ADCY5: variants seen among roughly 807,000 people sequenced by gnomAD.
ADCY5 encodes the protein adenylate cyclase type 5.
Under a neutral mutation model 119.7 loss-of-function variants are expected in ADCY5, and 30 were observed. That is an observed-to-expected ratio of 0.25 (90% CI 0.19 to 0.34). The LOEUF is 0.34. Ranked by LOEUF, ADCY5 falls within the 10% of genes least tolerant of loss-of-function variation. ADCY5 has a pLI of 1.00. For synonymous variants in ADCY5, 753 were observed against 762.2 expected (o/e 0.99, Z 0.20); for missense variants, 1,324 against 1,775.2 (o/e 0.75, Z 4.57).
chr3:123,292,720 G>C (rs556942663), intron 17 of ADCY5, among the ~76,000 whole-genome samples: 2 of 152,284 alleles, frequency 1.3e-5, no homozygotes, highest in South Asian at 4.1e-4. Flanking sequence ...GGCTGGGGGT[G>C]GGGGGTAGGG....
rs149619842 is a variant in ADCY5 at position 123,300,265 on chromosome 3, G to C, written c.2755C>G (p.Leu919Val). The C allele has an allele frequency of 3.5e-5, 56 of 1,613,412 alleles. No individual in the cohort carries two copies. The African/African-American group carries it at 7.2e-4, about 21-fold the overall frequency. ...YFTYSVLLSL[L>V]ACSVFLQISC... is the part of the protein sequence containing the mutation. ...ATCTGCAGGAACACGGAGCAGGCCA[G>C]CAGGCTGAGCAGCACGCTGTAGGTG... Residue 919 changes from leucine to valine, a missense_variant, in exon 15 of 21, where the codon CTG becomes GTG. This residue lies in a region of ADCY5 where 424 missense variants were observed against 546.8 expected (regional missense o/e 0.78). Transcript: ENST00000462833.
intron 1 of ADCY5, among the ~76,000 whole-genome samples, chr3:123,440,351 A>G (rs763980185): frequency 1.3e-4 from 20 of 152,336 alleles, no homozygotes; most frequent in Admixed American, 2.6e-4. Flanking sequence ...ACCCGACCAG[A>G]GCAAGAGGTA....
intron 4 of ADCY5, among the ~76,000 whole-genome samples, chr3:123,331,272 A>G: frequency 6.6e-6 from 1 of 152,160 alleles, no homozygotes; most frequent in African/African-American, 2.4e-5. Flanking sequence ...TCAGGAGCTC[A>G]CTTTTAAAGA....
At chr3:123,363,169 G>GAA (rs1943318227) in intron 1 of ADCY5, among the ~76,000 whole-genome samples, 1 of 121,934 alleles carries the variant, frequency 8.2e-6, no homozygotes, top group Non-Finnish European at 1.7e-5. Flanking sequence ...AAAAGGAATT[G>GAA]AAGAACAAAA....
chr3:123,324,365 T>C (rs1479748007), intron 8 of ADCY5, among the ~76,000 whole-genome samples: 1 of 150,528 alleles, frequency 6.6e-6, no homozygotes, highest in South Asian at 2.1e-4. Flanking sequence ...GAGCTACTTG[T>C]GCAACATGCC....
At chr3:123,429,515 A>C (rs6799356) in intron 1 of ADCY5, among the ~76,000 whole-genome samples, 44,108 of 151,510 alleles carry the variant, frequency 0.29, 6,578 homozygotes, top group African/African-American at 0.35. Context: ...CAGGAGCACG[A>C]CCCACCCACC....
intron 12 of ADCY5, among the ~76,000 whole-genome samples, chr3:123,307,649 C>T (rs1334438611): frequency 6.6e-6 from 1 of 152,136 alleles, no homozygotes; most frequent in Non-Finnish European, 1.5e-5. Flanking sequence ...ATCCCCTTCC[C>T]TCACCCCCAC....
chr3:123,343,583 G>A (rs528603472), intron 3 of ADCY5, among the ~76,000 whole-genome samples: 17 of 152,138 alleles, frequency 1.1e-4, no homozygotes, highest in African/African-American at 3.6e-4. Flanking sequence ...GTGGTATGGC[G>A]CCTTCTCTGG....
At position 123,425,689 on chromosome 3, in the gene ADCY5, G is replaced by A. The variant is rs1576689110; in HGVS notation, c.1134+21723C>T. On this transcript the variant is annotated intron_variant, in intron 1 of 20. Transcript: ENST00000462833. ...CAGCTGCAGCCACCCCCAGATTCAGGAGGACCTGGCCCAGCCCACCCCCCA... is the reference window on the plus strand; with the variant it reads ...CAGCTGCAGCCACCCCCAGATTCAGAAGGACCTGGCCCAGCCCACCCCCCA... Among the ~76,000 whole-genome samples the A allele has an allele frequency of 2.5e-5, 3 of 122,084 alleles. No individual in the cohort carries two copies. In the Admixed American group the frequency reaches 3.0e-4, roughly 12 times the overall value. The allele number at this position is 122,084 out of a possible 152,430, so 80.1% of individuals were successfully genotyped here. A position where few individuals can be genotyped will look rare whatever the true frequency, so the allele number is the denominator to read the frequency against.
intron 1 of ADCY5, among the ~76,000 whole-genome samples, chr3:123,386,501 G>T (rs1944229602): frequency 6.6e-6 from 1 of 152,226 alleles, no homozygotes; most frequent in South Asian, 2.1e-4. Flanking sequence ...GTTTCAATTT[G>T]CTCAGCATAG....
intron 1 of ADCY5, among the ~76,000 whole-genome samples, chr3:123,443,013 A>G (rs1945749630): frequency 6.6e-6 from 1 of 152,138 alleles, no homozygotes; most frequent in Non-Finnish European, 1.5e-5. Context: ...AATGCAGGTG[A>G]TAGGGAAAGC....
intron 1 of ADCY5, among the ~76,000 whole-genome samples, chr3:123,419,595 C>T (rs764461064): frequency 5.3e-5 from 8 of 152,182 alleles, no homozygotes; most frequent in Non-Finnish European, 8.8e-5. Context: ...TGATGTGTCA[C>T]ATTCCAGCCT....
chr3:123,371,022 G>C (rs1312930054), intron 1 of ADCY5, among the ~76,000 whole-genome samples: 3 of 152,224 alleles, frequency 2.0e-5, no homozygotes, highest in Non-Finnish European at 4.4e-5. Flanking sequence ...CCAGAAACCA[G>C]AGCAGAGACA....
At chr3:123,427,473 C>T (rs887791853) in intron 1 of ADCY5, among the ~76,000 whole-genome samples, 4 of 152,180 alleles carry the variant, frequency 2.6e-5, no homozygotes, top group African/African-American at 7.2e-5. Flanking sequence ...ACCATGCCTT[C>T]GCTCCTGCTG....
At chr3:123,361,706 A>AT (rs1423677740) in intron 1 of ADCY5, among the ~76,000 whole-genome samples, 2 of 152,230 alleles carry the variant, frequency 1.3e-5, no homozygotes, top group East Asian at 3.9e-4. Context: ...CATATTTTGG[A>AT]TTTTTTCAGA....
At chr3:123,445,948 T>C (rs943938661) in intron 1 of ADCY5, among the ~76,000 whole-genome samples, 35 of 152,194 alleles carry the variant, frequency 2.3e-4, no homozygotes, top group African/African-American at 7.7e-4. Context: ...TCTGACTCTA[T>C]TGTTAATCAT....
In ADCY5 at chr3:123,448,972, T is replaced by G; in HGVS notation, c.-427A>C. 1 of 162,030 alleles carries G rather than the reference T, an allele frequency of 6.2e-6. No homozygotes were observed. 10.0% of individuals were successfully genotyped at this position (162,030 alleles called of 1,614,324 possible). ...AGTGCCCGGGCGCGGCGCTCGCTGA[T>G]TCCGCCTAAGCGGAGCCCAGCTGCT... On this transcript the variant is annotated 5_prime_UTR_variant, in exon 1 of 21. Coordinates refer to ENST00000462833, the MANE Select transcript of ADCY5 (RefSeq NM_183357.3).
In ADCY5 at chr3:123,352,981, T is replaced by A. The variant is rs967174428; in HGVS notation, c.1135-400A>T. Among the ~76,000 whole-genome samples the A allele has an allele frequency of 2.0e-5, 3 of 152,154 alleles. No homozygotes were observed. The highest frequency in any genetic ancestry group is 7.2e-5 in the African/African-American group (3 of 41,416). On this transcript the variant is annotated intron_variant, in intron 1 of 20. Transcript: ENST00000462833. The surrounding 1 kb of genome is among the most constrained non-coding windows in gnomAD (Gnocchi z 4.8). ...CTTTTGAAAGTGTGATAGAGTCCAGTACAGGACAAGGGGCCACCCTCCCCC... is the reference window on the plus strand; with the variant it reads ...CTTTTGAAAGTGTGATAGAGTCCAGAACAGGACAAGGGGCCACCCTCCCCC...
chr3:123,348,987 T>C (rs1051475002), intron 2 of ADCY5, among the ~76,000 whole-genome samples: 6 of 152,148 alleles, frequency 3.9e-5, no homozygotes, highest in Admixed American at 3.9e-4. Context: ...ACATGGCACG[T>C]CCCACCTCTG....
Sources: gnomAD v4.1 joint callset for allele counts (sites outside exome capture counted in the v4.1 genomes callset) on GRCh38, gnomAD v4.1.1 for gene constraint, gnomAD v4.1.1 regional missense constraint, Gnocchi (gnomAD v3.1) non-coding constraint, MANE v1.5 for transcripts, NCBI Gene and HGNC (gene_info 2026-07-23, HGNC 2026-07-21) for gene names.